The following MUC7 variants were observed in gnomAD, a reference collection of about 807,000 sequenced individuals.
MUC7 encodes mucin-7.
In MUC7, 2 loss-of-function variants were observed where a neutral mutation model predicts 2.5. The ratio of observed to expected loss-of-function variants is 0.81; its 90% CI spans 0.33 to 2.55. MUC7 has a LOEUF of 2.55. Among genes scored for constraint, MUC7 ranks in the 30% most tolerant of loss-of-function variants. The pLI, the probability that MUC7 is intolerant of heterozygous loss-of-function variation, is 0.11. For synonymous variants in MUC7, 133 were observed against 173.4 expected, an observed-to-expected ratio of 0.77 and a Z score of 1.83; for missense variants, 408 against 455.6, an observed-to-expected ratio of 0.90 and a Z score of 0.95.
In MUC7 at chr4:70,466,046, C is replaced by T. The variant is rs372267121; in HGVS notation, c.-92-6169C>T. 5.1e-4 allele frequency among the ~76,000 whole-genome samples: 77 copies of T among 152,168 alleles called. 2 individuals carry two copies. The South Asian group carries it at 0.016, about 31-fold the overall frequency. ...GGAAGCCCATCAAACTAACATAAGA[C>T]TAGCAGAGGACCTCTCTGCAGAAAC... is the stretch of plus-strand genomic sequence containing the variant. On this transcript the variant is annotated intron_variant, in intron 1 of 3. Transcript: ENST00000413702.
At chr4:70,436,570 A>C (rs1049623896) in intron 1 of MUC7, among the ~76,000 whole-genome samples, 4 of 151,810 alleles carry the variant, frequency 2.6e-5, no homozygotes, top group African/African-American at 9.7e-5. Context: ...TCTTCTCTAC[A>C]CTTGTTATTC....
intron 1 of MUC7, among the ~76,000 whole-genome samples, chr4:70,464,415 A>C (rs1734630019): frequency 6.6e-6 from 1 of 152,100 alleles, no homozygotes; most frequent in South Asian, 2.1e-4. Context: ...ACTCCCCTGA[A>C]AAGAAGGCTA....
At chr4:70,436,946 C>T (rs188180778) in intron 1 of MUC7, among the ~76,000 whole-genome samples, 68 of 152,276 alleles carry the variant, frequency 4.5e-4, no homozygotes, top group Non-Finnish European at 1.0e-4. Flanking sequence ...TTCCTTCTAA[C>T]AGACAGGCCC....
intron 1 of MUC7, among the ~76,000 whole-genome samples, chr4:70,448,088 A>G (rs546081742): frequency 6.6e-6 from 1 of 152,266 alleles, no homozygotes; most frequent in East Asian, 1.9e-4. Context: ...CATGATCTCC[A>G]GTTCCACCCA....
At chr4:70,451,812 T>G (rs923524756) in intron 1 of MUC7, among the ~76,000 whole-genome samples, 1 of 152,230 alleles carries the variant, frequency 6.6e-6, no homozygotes, top group Non-Finnish European at 1.5e-5. Flanking sequence ...CTGATGTTTC[T>G]TTGTTGATTT....
intron 1 of MUC7, among the ~76,000 whole-genome samples, chr4:70,455,858 C>T (rs1326237093): frequency 6.6e-6 from 1 of 152,046 alleles, no homozygotes; most frequent in Non-Finnish European, 1.5e-5. Flanking sequence ...TCTTACATAC[C>T]CATGGGAAAT....
At chr4:70,474,193 T>C in intron 2 of MUC7, 118 bp downstream of exon 2, 1 of 811,782 alleles carries the variant, frequency 1.2e-6, no homozygotes, top group Non-Finnish European at 2.0e-6. Flanking sequence ...CTTGACATCT[T>C]TTATTTCCAG....
At chr4:70,457,574 T>A (rs998045874) in intron 1 of MUC7, among the ~76,000 whole-genome samples, 9 of 152,076 alleles carry the variant, frequency 5.9e-5, no homozygotes, top group African/African-American at 2.2e-4. Context: ...TCAAAAATTG[T>A]TTCCTTGCAA....
chr4:70,466,516 T>A (rs1296715493), intron 1 of MUC7, among the ~76,000 whole-genome samples: 2 of 152,022 alleles, frequency 1.3e-5, no homozygotes, highest in Non-Finnish European at 2.9e-5. Context: ...AGGAGACCCA[T>A]CTTATGTGCA....
Position 70,481,446 on chromosome 4 carries a change from C to A in MUC7, c.702C>A (p.Thr234=), listed in dbSNP as rs755555315. 1 of 1,509,712 alleles carries A rather than the reference C, an allele frequency of 6.6e-7. No homozygotes were observed. The highest frequency in any genetic ancestry group is 8.9e-7 in the Non-Finnish European group (1 of 1,126,096). 93.5% of individuals were successfully genotyped at this position (1,509,712 alleles called of 1,614,324 possible). ...APPSSSAPPE[T]TAAPPTPSAT... is the part of the protein sequence containing the mutation. ...CATCTTCCTCAGCTCCACCAGAGACCACAGCTGCCCCACCCACACCTTCTG... is the reference window on the plus strand; with the variant it reads ...CATCTTCCTCAGCTCCACCAGAGACAACAGCTGCCCCACCCACACCTTCTG... Residue 234 remains threonine (T), a synonymous_variant, in exon 3 of 3, where the codon ACC becomes ACA. Transcript: ENST00000304887.
intron 1 of MUC7, among the ~76,000 whole-genome samples, chr4:70,441,386 A>G (rs1435615906): frequency 2.6e-5 from 4 of 152,200 alleles, no homozygotes; most frequent in Non-Finnish European, 5.9e-5. Flanking sequence ...TAACTCCACT[A>G]TATCGGAAAT....
chr4:70,481,967 C>T lies in MUC7; in HGVS notation c.*89C>T. ...ACCTTTCTTTTAGCACCAATCCCAA[C>T]ATGAAATTATATTACTCAGATTTAA... On this transcript the variant is annotated 3_prime_UTR_variant, in exon 3 of 3. Transcript: ENST00000304887. The T allele has an allele frequency of 7.1e-7, 1 of 1,401,204 alleles. No individual in the cohort carries two copies. Among genetic ancestry groups the T allele is most frequent in the Non-Finnish European group, 9.7e-7 (1 of 1,032,668 alleles). The allele number at this position is 1,401,204 out of a possible 1,614,324, so 86.8% of individuals were successfully genotyped here. A position where few individuals can be genotyped will look rare whatever the true frequency, so the allele number is the denominator to read the frequency against.
intron 1 of MUC7, among the ~76,000 whole-genome samples, chr4:70,466,731 A>G (rs2109733022): frequency 6.6e-6 from 1 of 152,376 alleles, no homozygotes; most frequent in South Asian, 2.1e-4. Flanking sequence ...ATATGCACCC[A>G]ATACAGGAGC....
intron 1 of MUC7, among the ~76,000 whole-genome samples, chr4:70,440,261 C>T (rs991991446): frequency 1.3e-5 from 2 of 152,002 alleles, no homozygotes; most frequent in African/African-American, 2.4e-5. Context: ...AGAAATAGAA[C>T]AGAAACATTA....
At chr4:70,472,351 T>C (rs1414314289) in intron 1 of MUC7, 60 bp downstream of exon 1, 3 of 152,224 alleles carry the variant, frequency 2.0e-5, no homozygotes, top group African/African-American at 7.2e-5. Flanking sequence ...GTAATATACA[T>C]ATATTAAGTA....
chr4:70,449,726 G>A (rs752283124), intron 1 of MUC7, among the ~76,000 whole-genome samples: 3 of 152,128 alleles, frequency 2.0e-5, no homozygotes, highest in Non-Finnish European at 4.4e-5. Flanking sequence ...GATGGTCTTG[G>A]ACAAGATCTG....
At chr4:70,436,016 G>A (rs964180172) in intron 1 of MUC7, among the ~76,000 whole-genome samples, 1 of 152,160 alleles carries the variant, frequency 6.6e-6, no homozygotes, top group Non-Finnish European at 1.5e-5. Context: ...CTTTAAGAAT[G>A]TTGAATATTG....
Position 70,481,675 on chromosome 4 carries a change from C to G in MUC7, c.931C>G (p.Pro311Ala). 1 of 1,614,136 alleles carries G rather than the reference C, an allele frequency of 6.2e-7. No individual in the cohort carries two copies. The highest frequency in any genetic ancestry group is 8.5e-7 in the Non-Finnish European group (1 of 1,180,016). Residue 311 changes from proline to alanine, a missense_variant, in exon 3 of 3, where the codon CCT becomes GCT. Transcript: ENST00000304887. ...QETTAAPITT[P>A]NSSPTTLAPD... ...GACCACAGCTGCCCCAATTACCACA[C>G]CTAATTCTTCCCCAACTACTCTTGC...
intron 2 of MUC7, among the ~76,000 whole-genome samples, chr4:70,479,587 A>G (rs1199150310): frequency 6.6e-6 from 1 of 152,174 alleles, no homozygotes; most frequent in Non-Finnish European, 1.5e-5. Context: ...CTTTTCTCCA[A>G]TTTAATATAA....
Sources: allele counts gnomAD v4.1 joint callset (sites outside exome capture counted in the v4.1 genomes callset), GRCh38; gene constraint gnomAD v4.1.1; transcripts MANE v1.5; gene names NCBI Gene and HGNC (gene_info 2026-07-23, HGNC 2026-07-21).